The following NUCB1 variants were observed in gnomAD, a reference collection of about 807,000 sequenced individuals.
The protein encoded by NUCB1 is nucleobindin 1, also known as nucleobindin-1.
In NUCB1, 47 loss-of-function variants were observed where a neutral mutation model predicts 61.2. The observed-to-expected ratio is 0.77, with a 90% CI of 0.61 to 0.98. The LOEUF is 0.98. NUCB1 is among the 50% of genes least tolerant of loss of function. The pLI is 0.00. For synonymous variants in NUCB1, 234 were observed against 243.1 expected (o/e 0.96, Z 0.35); for missense variants, 583 against 605.3 (o/e 0.96, Z 0.39).
chr19:48,913,955 CTT>C (rs1171899825), intron 7 of NUCB1, among the ~76,000 whole-genome samples: 2 of 150,346 alleles, frequency 1.3e-5, no homozygotes, highest in African/African-American at 4.9e-5. Flanking sequence ...AACCCTTTCT[CTT>C]TTTCTTTTTC....
At chr19:48,911,054 A>G (rs2037465895) in intron 4 of NUCB1, 95 bp from the exon 5 acceptor site, 1 of 852,438 alleles carries the variant, frequency 1.2e-6, no homozygotes, top group African/African-American at 1.7e-5. Context: ...GGGCTTCCCT[A>G]GTGCTGTCCG....
At position 48,900,837 on chromosome 19, in the gene NUCB1, C is replaced by CGCT. The variant is rs780606369; in HGVS notation, c.54_56dup (p.Leu21dup). 11 of 1,613,728 alleles carry CGCT rather than the reference C, an allele frequency of 6.8e-6. No individual in the cohort carries two copies. In the African/African-American group the frequency reaches 8.0e-5, roughly 12 times the overall value. On this transcript the variant is annotated inframe_insertion, in exon 2 of 13. Coordinates refer to ENST00000405315, the MANE Select transcript of NUCB1 (RefSeq NM_006184.6). ...CCCCGAGGAACCCTCCTTCTGTTGC[C>CGCT]GCTGCTGCTGCTGCTCCTGCTTCGC...
rs753885974 is a variant in NUCB1 at position 48,921,316 on chromosome 19, C to T, written c.1165C>T (p.Leu389=). 10 of 1,586,646 alleles carry T rather than the reference C, an allele frequency of 6.3e-6. No homozygotes were observed. The highest frequency in any genetic ancestry group is 1.7e-6 in the Non-Finnish European group (2 of 1,167,164). ...QGRLEAQKRE[L]QQAVLHMEQR... Reference sequence around the variant, plus strand: ...CCGCCTGGAGGCCCAGAAGAGAGAGCTGCAGCAGGTGACAGCGGGGGAAGC... The same window carrying T: ...CCGCCTGGAGGCCCAGAAGAGAGAGTTGCAGCAGGTGACAGCGGGGGAAGC... Residue 389 remains leucine (L), a synonymous_variant, in exon 11 of 13, where the codon CTG becomes TTG. Transcript: ENST00000405315.
At chr19:48,904,515 G>A (rs1399205851) in intron 3 of NUCB1, 61 bp downstream of exon 3, 6 of 1,021,654 alleles carry the variant, frequency 5.9e-6, no homozygotes, top group Non-Finnish European at 8.7e-6. Flanking sequence ...GAGTTCAGGG[G>A]AGGACTGGTT....
intron 6 of NUCB1, 94 bp downstream of exon 6, chr19:48,913,290 C>T: frequency 7.5e-7 from 1 of 1,327,758 alleles, no homozygotes; most frequent in South Asian, 1.4e-5. Context: ...CCCAGGGGCC[C>T]TTGAGGCAAA....
At chr19:48,913,590 C>T (rs2037504598) in intron 7 of NUCB1, 26 bp downstream of exon 7, 10 of 1,564,958 alleles carry the variant, frequency 6.4e-6, no homozygotes, top group South Asian at 1.1e-5. Context: ...AGTTCCAGAG[C>T]CAGGATGAAC....
intron 5 of NUCB1, 93 bp downstream of exon 5, chr19:48,911,345 T>C: frequency 1.2e-6 from 1 of 821,074 alleles, no homozygotes; most frequent in South Asian, 1.4e-5. Flanking sequence ...AGCTCACCAT[T>C]CCTGCTGGTG....
rs2037562414 is a variant in NUCB1, at chr19:48,918,222, G to C, written c.758-504G>C. Among the ~76,000 whole-genome samples the C allele has an allele frequency of 2.0e-5, 3 of 152,076 alleles. No homozygotes were observed. The South Asian group carries it at 6.2e-4, about 32-fold the overall frequency. The stretch of plus-strand genomic sequence containing the variant: ...TGGATTTGCAAGATGAGGGTTCCTG[G>C]CCTCCTCCTCAGGAGGAAGGTTGTG... On this transcript the variant is annotated intron_variant, in intron 7 of 12. Transcript: ENST00000405315.
rs1247958742 is a variant in NUCB1 at position 48,918,732 on chromosome 19, A to T, written c.764A>T (p.Asn255Ile). 4.3e-6 allele frequency: 7 copies of T among 1,613,730 alleles called. No homozygotes were observed. The African/African-American group carries it at 9.3e-5, about 22-fold the overall frequency. ...PKTFFILHDI[N>I]SDGVLDEQEL... ...GCTATCCTCTTCCCTTCAGATATCA[A>T]CAGTGATGGTGTCCTGGATGAGCAG... Residue 255 changes from asparagine to isoleucine, a missense_variant, in exon 8 of 13, where the codon AAC becomes ATC. Physicochemically the swap from Asn to Ile is moderately radical, Grantham distance 149. Transcript: ENST00000405315.
intron 7 of NUCB1, among the ~76,000 whole-genome samples, chr19:48,914,926 C>T (rs2037522316): frequency 6.6e-6 from 1 of 151,310 alleles, no homozygotes; most frequent in African/African-American, 2.4e-5. Context: ...ACAAAAATAC[C>T]AAAATTAGCT....
Position 48,915,154 on chromosome 19 carries a change from T to C in NUCB1, c.757+1590T>C, listed in dbSNP as rs546627144. ...CATCCCTATTTCAGGGGTGATAAAA[T>C]AGAAGAACACAAAAGTGCATCTCAG... On this transcript the variant is annotated intron_variant, in intron 7 of 12. Coordinates refer to ENST00000405315, the MANE Select transcript of NUCB1 (RefSeq NM_006184.6). Among the ~76,000 whole-genome samples, 403 of 151,678 alleles carry C rather than the reference T, an allele frequency of 2.7e-3. 2 individuals are homozygous for C. Among genetic ancestry groups the C allele is most frequent in the African/African-American group, 9.2e-3 (379 of 41,366 alleles).
chr19:48,919,761 A>ATTTTTTTTTTTT (rs869087543), intron 10 of NUCB1, among the ~76,000 whole-genome samples: 1 of 80,988 alleles, frequency 1.2e-5, no homozygotes, highest in South Asian at 4.8e-4. Context: ...TAGAGGTGTG[A>ATTTTTTTTTTTT]TTTTTTTTTT....
intron 4 of NUCB1, among the ~76,000 whole-genome samples, chr19:48,910,355 C>A (rs912920443): frequency 7.0e-6 from 1 of 143,756 alleles, no homozygotes; most frequent in Admixed American, 7.0e-5. Flanking sequence ...GGATTACAGG[C>A]GTGAGCCACC....
chr19:48,905,963 G>A, intron 4 of NUCB1, 78 bp downstream of exon 4: 1 of 1,420,398 alleles, frequency 7.0e-7, no homozygotes, highest in Admixed American at 2.0e-5. Flanking sequence ...CCAGGTGGTT[G>A]TGTGCTAGGC....
chr19:48,911,491 C>T (rs1178159875), intron 5 of NUCB1, among the ~76,000 whole-genome samples: 6 of 151,410 alleles, frequency 4.0e-5, no homozygotes, highest in African/African-American at 9.7e-5. Context: ...CTGCAACCTC[C>T]GCCTCCCGGG....
At chr19:48,921,559 AG>A (rs2037610155) in intron 11 of NUCB1, among the ~76,000 whole-genome samples, 2 of 152,126 alleles carry the variant, frequency 1.3e-5, no homozygotes, top group Non-Finnish European at 2.9e-5. Context: ...AAGGCCCAGG[AG>A]GGGGAGAAAG....
At position 48,919,091 on chromosome 19, in the gene NUCB1, G is replaced by A. The variant is rs763934546; in HGVS notation, c.878G>A (p.Arg293Gln). 1 of 1,614,122 alleles carries A rather than the reference G, an allele frequency of 6.2e-7. No individual in the cohort carries two copies. Among genetic ancestry groups the A allele is most frequent in the South Asian group, 1.1e-5 (1 of 91,070 alleles). Reference sequence around the variant, plus strand: ...GACATGCGGGAGATGGAGGAGGAGCGACTGCGCATGCGGGAGCATGTGATG... The same window carrying A: ...GACATGCGGGAGATGGAGGAGGAGCAACTGCGCATGCGGGAGCATGTGATG... ...EDDMREMEEE[R>Q]LRMREHVMKN... Residue 293 changes from arginine (R) to glutamine (Q), a missense_variant, in exon 9 of 13, where the codon CGA (arginine) becomes CAA (glutamine). Arg to Gln is a conservative substitution (Grantham distance 43). Coordinates refer to ENST00000405315, the MANE Select transcript of NUCB1 (RefSeq NM_006184.6).
chr19:48,913,054 A>C lies in NUCB1; in HGVS notation c.524A>C (p.Glu175Ala), dbSNP rs1486844022. The change falls in exon 6 of 13, where the codon GAG becomes GCG. Residue 175 changes from glutamate to alanine, a missense_variant. By Grantham distance (107) the Glu-to-Ala change is moderately radical (BLOSUM62 -1). Transcript: ENST00000405315. The stretch of plus-strand genomic sequence containing the variant: ...CAGTACGACGCAGCCCATCATGAAG[A>C]GTTCAAGCGCTACGAGATGCTTAAG... ...LAQYDAAHHE[E>A]FKRYEMLKEH... is the part of the protein sequence containing the mutation. The C allele has an allele frequency of 6.2e-7, 1 of 1,613,586 alleles. No homozygotes were observed. Among genetic ancestry groups the C allele is most frequent in the Admixed American group, 1.7e-5 (1 of 59,844 alleles).
intron 10 of NUCB1, among the ~76,000 whole-genome samples, chr19:48,919,592 C>G (rs1258566184): frequency 3.3e-5 from 5 of 151,674 alleles, no homozygotes; most frequent in Non-Finnish European, 5.9e-5. Context: ...ATTCTCCTGG[C>G]TCATCCTCTT....
Sources: allele counts gnomAD v4.1 joint callset (sites outside exome capture counted in the v4.1 genomes callset), GRCh38; gene constraint gnomAD v4.1.1; transcripts MANE v1.5; gene names NCBI Gene and HGNC (gene_info 2026-07-23, HGNC 2026-07-21).